Variants in IGF1 observed in about 807,000 individuals in gnomAD.
The protein encoded by IGF1 is insulin-like growth factor 1.
Under a neutral mutation model 13.8 loss-of-function variants are expected in IGF1, and 4 were observed. The ratio of observed to expected loss-of-function variants is 0.29; its 90% CI spans 0.14 to 0.66. The LOEUF (loss-of-function observed/expected upper bound fraction) is 0.66, where lower values mean the gene tolerates loss of function less well. Among genes scored for constraint, IGF1 ranks in the 30% least tolerant of loss-of-function variants. The pLI is 0.78. For synonymous variants in IGF1, 76 were observed against 72.6 expected (o/e 1.05, Z -0.23); for missense variants, 124 against 188.5 (o/e 0.66, Z 2.00).
intron 3 of IGF1, among the ~76,000 whole-genome samples, chr12:102,408,891 T>A (rs1321009065): frequency 6.6e-6 from 1 of 152,240 alleles, no homozygotes; most frequent in Non-Finnish European, 1.5e-5. Flanking sequence ...TGCAATCTGA[T>A]GGCTTTGCCT....
At chr12:102,433,580 T>C (rs1876937194) in intron 2 of IGF1, among the ~76,000 whole-genome samples, 2 of 152,214 alleles carry the variant, frequency 1.3e-5, no homozygotes, top group Admixed American at 1.3e-4. Context: ...TTAGCCTTTT[T>C]TTTCTGTTTT....
At chr12:102,458,151 C>A (rs1450481897) in intron 2 of IGF1, among the ~76,000 whole-genome samples, 1 of 152,104 alleles carries the variant, frequency 6.6e-6, no homozygotes, top group Non-Finnish European at 1.5e-5. Flanking sequence ...GAATGCGAGC[C>A]CCTTTCTAGT....
At position 102,476,410 on chromosome 12, in the gene IGF1, T is replaced by TGAGAGAGAGAGAGAGAGAGAGA. The variant is rs36047405; in HGVS notation, c.64-633_64-612dup. On this transcript the variant is annotated intron_variant, in intron 1 of 3. Transcript: ENST00000337514. The stretch of plus-strand genomic sequence containing the variant: ...TTGTTTTTGTTTTGTTTCCTCAATA[T>TGAGAGAGAGAGAGAGAGAGAGA]GAGAGAGAGAGAGAGAGAGAGAGAG... 2.2e-3 allele frequency among the ~76,000 whole-genome samples: 301 copies of TGAGAGAGAGAGAGAGAGAGAGA among 139,080 alleles called. 3 individuals carry two copies. Among genetic ancestry groups the TGAGAGAGAGAGAGAGAGAGAGA allele is most frequent in the Middle Eastern group, 3.5e-3 (1 of 284 alleles). The allele number at this position is 139,080 out of a possible 152,430, so 91.2% of individuals were successfully genotyped here.
At chr12:102,458,012 T>G (rs1879558557) in intron 2 of IGF1, among the ~76,000 whole-genome samples, 1 of 152,174 alleles carries the variant, frequency 6.6e-6, no homozygotes, top group Admixed American at 6.5e-5. Context: ...AATGACTTTC[T>G]TCTTCTTGGT....
At chr12:102,412,715 G>C (rs1874753450) in intron 3 of IGF1, among the ~76,000 whole-genome samples, 1 of 152,172 alleles carries the variant, frequency 6.6e-6, no homozygotes, top group Admixed American at 6.5e-5. Flanking sequence ...TTCCTGGTAT[G>C]ATAAGAACTT....
intron 2 of IGF1, among the ~76,000 whole-genome samples, chr12:102,437,305 C>G (rs1877332907): frequency 6.6e-6 from 1 of 152,192 alleles, no homozygotes; most frequent in Admixed American, 6.5e-5. Flanking sequence ...ATTAGCACCA[C>G]TTGTGTGGTG....
At chr12:102,436,978 C>T (rs1483028968) in intron 2 of IGF1, among the ~76,000 whole-genome samples, 1 of 152,188 alleles carries the variant, frequency 6.6e-6, no homozygotes, top group African/African-American at 2.4e-5. Flanking sequence ...TGCTGGCTTC[C>T]CAATTAGAGC....
intron 2 of IGF1, among the ~76,000 whole-genome samples, chr12:102,426,187 G>C (rs1876186172): frequency 6.6e-6 from 1 of 152,176 alleles, no homozygotes; most frequent in South Asian, 2.1e-4. Flanking sequence ...TTTGGAACCA[G>C]ACAGTCTGGA....
At chr12:102,443,040 A>G (rs542626637) in intron 2 of IGF1, among the ~76,000 whole-genome samples, 1 of 152,164 alleles carries the variant, frequency 6.6e-6, no homozygotes, top group East Asian at 1.9e-4. Context: ...GATCTGGCTG[A>G]CACTAGATCA....
intron 2 of IGF1, among the ~76,000 whole-genome samples, chr12:102,466,068 G>C (rs184186563): frequency 1.7e-3 from 258 of 152,220 alleles, no homozygotes; most frequent in Non-Finnish European, 3.2e-3. Flanking sequence ...AACCATTTCT[G>C]CCTGCCCTTC....
intron 3 of IGF1, among the ~76,000 whole-genome samples, chr12:102,409,616 A>G (rs1046441568): frequency 6.6e-6 from 1 of 152,170 alleles, no homozygotes; most frequent in Non-Finnish European, 1.5e-5. Context: ...ATATCAACTA[A>G]GAAATGCAGG....
rs550911517 is a variant in IGF1 at position 102,402,367 on chromosome 12, A to G, written c.*140T>C. The G allele has an allele frequency of 3.9e-6, 3 of 762,258 alleles. No homozygotes were observed. The highest frequency in any genetic ancestry group is 2.8e-5 in the South Asian group (2 of 72,002). The allele number at this position is 762,258 out of a possible 1,614,324, so 47.2% of individuals were successfully genotyped here. On this transcript the variant is annotated 3_prime_UTR_variant, in exon 4 of 4. Coordinates refer to ENST00000337514, the MANE Select transcript of IGF1 (RefSeq NM_000618.5). ...ACAATGTTGGAATGTTTACTTGTGTATTTCATTGGGGGAAACGCCCATCTT... is the reference window on the plus strand; with the variant it reads ...ACAATGTTGGAATGTTTACTTGTGTGTTTCATTGGGGGAAACGCCCATCTT...
intron 2 of IGF1, among the ~76,000 whole-genome samples, chr12:102,440,638 T>A (rs2137089504): frequency 6.6e-6 from 1 of 152,250 alleles, no homozygotes; most frequent in East Asian, 1.9e-4. Context: ...AAATCCTATC[T>A]TTGGTAGCTG....
intron 1 of IGF1, chr12:102,478,533 C>G: frequency 6.2e-7 from 1 of 1,610,596 alleles, no homozygotes; most frequent in South Asian, 1.1e-5. Context: ...TACAGCAGGT[C>G]AGGGTGGGTA....
chr12:102,455,396 A>G (rs953388117), intron 2 of IGF1, among the ~76,000 whole-genome samples: 6 of 152,242 alleles, frequency 3.9e-5, no homozygotes, highest in South Asian at 4.1e-4. Flanking sequence ...ATCTTTATAA[A>G]TATTCAATAT....
intron 2 of IGF1, among the ~76,000 whole-genome samples, chr12:102,451,221 G>T (rs578237024): frequency 1.3e-5 from 2 of 152,206 alleles, no homozygotes; most frequent in Admixed American, 6.5e-5. Context: ...GTTCATCAAT[G>T]AAGTTTTTAT....
Position 102,476,442 on chromosome 12 carries a change from A to AGAGAGAGAGAGAGAGAGAGG in IGF1, c.64-644_64-643insCCTCTCTCTCTCTCTCTCTC, listed in dbSNP as rs1383297267. Among the ~76,000 whole-genome samples the AGAGAGAGAGAGAGAGAGAGG allele has an allele frequency of 7.9e-5, 12 of 151,842 alleles. No homozygotes were observed. In the South Asian group the frequency reaches 2.1e-3, roughly 26 times the overall value. ...GAGAGAGAGAGAGAGAGAGAGAGAG[A>AGAGAGAGAGAGAGAGAGAGG]GACTGATTCCTTACCTGGGGCATAT... is the stretch of plus-strand genomic sequence containing the variant. On this transcript the variant is annotated intron_variant, in intron 1 of 3. Coordinates refer to ENST00000337514, the MANE Select transcript of IGF1 (RefSeq NM_000618.5).
intron 2 of IGF1, among the ~76,000 whole-genome samples, chr12:102,420,560 T>C (rs1875617530): frequency 6.6e-6 from 1 of 152,138 alleles, no homozygotes; most frequent in Non-Finnish European, 1.5e-5. Context: ...TTGTCACTAT[T>C]GACCGTGTAC....
intron 3 of IGF1, among the ~76,000 whole-genome samples, chr12:102,407,472 CTG>C (rs995484986): frequency 2.6e-5 from 4 of 152,180 alleles, no homozygotes; most frequent in Admixed American, 2.6e-4. Flanking sequence ...ACTGTCTTGA[CTG>C]TTTTATCTTT....
Sources: allele counts gnomAD v4.1 joint callset (sites outside exome capture counted in the v4.1 genomes callset), GRCh38; gene constraint gnomAD v4.1.1; transcripts MANE v1.5; gene names NCBI Gene and HGNC (gene_info 2026-07-23, HGNC 2026-07-21).